The following OXR1 variants were observed in gnomAD, a reference collection of about 807,000 sequenced individuals.
OXR1 encodes the protein oxidation resistance protein 1.
In OXR1, 41 loss-of-function variants were observed where a neutral mutation model predicts 104.6. The ratio of observed to expected loss-of-function variants is 0.39; its 90% confidence interval spans 0.31 to 0.51. The LOEUF (loss-of-function observed/expected upper bound fraction) is 0.51. OXR1 is among the 20% of genes least tolerant of loss of function. The pLI, the probability that OXR1 is intolerant of heterozygous loss-of-function variation, is 0.77. For synonymous variants in OXR1, 348 were observed against 348.4 expected, an observed-to-expected ratio of 1.00 and a Z score of 0.01; for missense variants, 955 against 1,031.9, an observed-to-expected ratio of 0.93 and a Z score of 1.02.
Position 106,289,603 on chromosome 8 carries a change from A to G in OXR1, c.-139+19236A>G, listed in dbSNP as rs549094602. ...CCATACCGTCTAAAGCAATTTATAG[A>G]TTCAATGCTATTCCTATCAAACCAT... On this transcript the variant is annotated intron_variant, in intron 1 of 16. Transcript: ENST00000517566. Among the ~76,000 whole-genome samples the G allele has an allele frequency of 2.0e-5, 3 of 152,334 alleles. No individual in the cohort carries two copies. The South Asian group carries it at 6.2e-4, about 32-fold the overall frequency.
chr8:106,359,807 GAC>G, intron 2 of OXR1, among the ~76,000 whole-genome samples, 171 bp downstream of exon 2: 1 of 152,138 alleles, frequency 6.6e-6, no homozygotes, highest in East Asian at 1.9e-4. Flanking sequence ...TTAGAAGTCT[GAC>G]ACTTTCAGTG....
At chr8:106,343,345 C>G (rs932558788) in intron 1 of OXR1, among the ~76,000 whole-genome samples, 2 of 152,166 alleles carry the variant, frequency 1.3e-5, no homozygotes, top group Non-Finnish European at 2.9e-5. Flanking sequence ...GTCCAGATCG[C>G]TTAAGCAAAA....
rs1253509037 is a variant in OXR1 at position 106,457,376 on chromosome 8, T to C, written c.24-61567T>C. Among the ~76,000 whole-genome samples the C allele has an allele frequency of 2.6e-5, 4 of 152,328 alleles. No individual in the cohort carries two copies. In the East Asian group the frequency reaches 7.7e-4, roughly 29 times the overall value. On this transcript the variant is annotated intron_variant, in intron 2 of 16. Transcript: ENST00000517566. ...GCTGGCACCTTGATATTGGACTTTC[T>C]AGTCTCCAGAACTTTGAGAAATAAA...
intron 2 of OXR1, among the ~76,000 whole-genome samples, chr8:106,423,905 A>G (rs1819003832): frequency 6.6e-6 from 1 of 152,074 alleles, no homozygotes; most frequent in Non-Finnish European, 1.5e-5. Context: ...AAATAGAATA[A>G]TCATTTCTTT....
At chr8:106,375,779 C>T (rs1255276793) in intron 2 of OXR1, among the ~76,000 whole-genome samples, 1 of 152,174 alleles carries the variant, frequency 6.6e-6, no homozygotes, top group Non-Finnish European at 1.5e-5. Flanking sequence ...AAAAGAAAAG[C>T]AAAGCCCAGT....
At chr8:106,578,786 T>C (rs1222241708) in intron 3 of OXR1, among the ~76,000 whole-genome samples, 1 of 152,168 alleles carries the variant, frequency 6.6e-6, no homozygotes, top group Admixed American at 6.5e-5. Flanking sequence ...ATTCATTACT[T>C]GGCAAAATAG....
chr8:106,288,358 A>G (rs1365254122), intron 1 of OXR1, among the ~76,000 whole-genome samples: 2 of 152,112 alleles, frequency 1.3e-5, no homozygotes, highest in Non-Finnish European at 2.9e-5. Context: ...GGACTGTTCC[A>G]ATGCAGAATA....
At position 106,739,507 on chromosome 8, in the gene OXR1, C is replaced by G; in HGVS notation, c.2087C>G (p.Ala696Gly). Residue 696 changes from alanine (A) to glycine (G), a missense_variant, in exon 13 of 17, where the codon GCA becomes GGA. Physicochemically the swap from Ala to Gly is moderately conservative, Grantham distance 60 (BLOSUM62 0). Coordinates refer to ENST00000517566, the MANE Select transcript of OXR1 (RefSeq NM_001198533.2). Reference sequence around the variant, plus strand: ...TCAAAGCAGGTTGCTACAGTGAAAGCAGACCTGGAGTCTGAATCTTTTCGA... The same window carrying G: ...TCAAAGCAGGTTGCTACAGTGAAAGGAGACCTGGAGTCTGAATCTTTTCGA... ...INSKQVATVK[A>G]DLESESFRPN... The G allele has an allele frequency of 6.2e-7, 1 of 1,612,374 alleles. No homozygotes were observed. The highest frequency in any genetic ancestry group is 8.5e-7 in the Non-Finnish European group (1 of 1,178,566).
chr8:106,337,216 A>C (rs1224432541), intron 1 of OXR1, among the ~76,000 whole-genome samples: 2 of 152,224 alleles, frequency 1.3e-5, no homozygotes, highest in Non-Finnish European at 2.9e-5. Flanking sequence ...ACAATTTGGA[A>C]GTAATTATTA....
chr8:106,316,082 C>G (rs926471360), intron 1 of OXR1, among the ~76,000 whole-genome samples: 1 of 152,084 alleles, frequency 6.6e-6, no homozygotes, highest in Non-Finnish European at 1.5e-5. Context: ...TGTAGTAAGT[C>G]GACAGTGCAT....
intron 3 of OXR1, among the ~76,000 whole-genome samples, chr8:106,632,094 CAG>C (rs1230443739): frequency 2.6e-5 from 4 of 152,038 alleles, no homozygotes; most frequent in African/African-American, 9.7e-5. Context: ...ATTAGGAAGA[CAG>C]AAAGTTTTCT....
At chr8:106,561,059 G>A (rs1816641721) in intron 3 of OXR1, among the ~76,000 whole-genome samples, 1 of 152,130 alleles carries the variant, frequency 6.6e-6, no homozygotes, top group Non-Finnish European at 1.5e-5. Flanking sequence ...AAGGGCCCTG[G>A]GTTTCAAGCA....
intron 2 of OXR1, among the ~76,000 whole-genome samples, chr8:106,494,555 G>T (rs1811299853): frequency 6.6e-6 from 1 of 152,146 alleles, no homozygotes; most frequent in African/African-American, 2.4e-5. Context: ...TTATCCACCT[G>T]CATCTACAGT....
intron 3 of OXR1, among the ~76,000 whole-genome samples, chr8:106,626,427 A>C (rs1046955601): frequency 2.7e-5 from 4 of 150,876 alleles, no homozygotes; most frequent in Admixed American, 6.6e-5. Context: ...CATGGCCTTG[A>C]TTGAAGTTTG....
chr8:106,377,962 T>C (rs1816977232), intron 2 of OXR1, among the ~76,000 whole-genome samples: 1 of 152,194 alleles, frequency 6.6e-6, no homozygotes, highest in South Asian at 2.1e-4. Context: ...TTTCTATTTG[T>C]ATATTTCTAT....
At chr8:106,287,591 G>C (rs1812552230) in intron 1 of OXR1, among the ~76,000 whole-genome samples, 1 of 151,360 alleles carries the variant, frequency 6.6e-6, no homozygotes, top group South Asian at 2.1e-4. Flanking sequence ...TATCCCTTAT[G>C]ATACTGCAAT....
At chr8:106,492,034 A>C (rs1811122847) in intron 2 of OXR1, among the ~76,000 whole-genome samples, 1 of 152,194 alleles carries the variant, frequency 6.6e-6, no homozygotes, top group Non-Finnish European at 1.5e-5. Context: ...GGGGCCCCCA[A>C]ACTAAAATAA....
intron 1 of OXR1, among the ~76,000 whole-genome samples, chr8:106,347,051 G>T (rs926819410): frequency 1.3e-5 from 2 of 151,932 alleles, no homozygotes; most frequent in East Asian, 3.9e-4. Context: ...TCAAAGAAAA[G>T]AAAAACAAAA....
At chr8:106,730,599 G>GT in intron 11 of OXR1, among the ~76,000 whole-genome samples, 1 of 152,102 alleles carries the variant, frequency 6.6e-6, no homozygotes, top group East Asian at 1.9e-4. Context: ...CTATTTTATG[G>GT]TTTTATCCAC....
Sources: gnomAD v4.1 joint callset for allele counts (sites outside exome capture counted in the v4.1 genomes callset) on GRCh38, gnomAD v4.1.1 for gene constraint, MANE v1.5 for transcripts, NCBI Gene and HGNC (gene_info 2026-07-23, HGNC 2026-07-21) for gene names.